Variants in TP53TG5 observed in about 807,000 individuals in gnomAD.
TP53TG5 encodes the protein TP53 target 5.
A neutral mutation model predicts 30.0 loss-of-function variants in TP53TG5; 17 were observed. That is an observed-to-expected ratio of 0.57 (90% confidence interval 0.39 to 0.85). The LOEUF is 0.85. TP53TG5 is among the 40% of genes least tolerant of loss of function. The pLI is 0.00. For missense variants in TP53TG5, 338 were observed against 367.9 expected, an observed-to-expected ratio of 0.92 and a Z score of 0.67; for synonymous variants, 137 against 139.2, an observed-to-expected ratio of 0.98 and a Z score of 0.11.
chr20:45,378,142 A>G (rs1174063132), intron 1 of TP53TG5, 47 bp downstream of exon 1: 13 of 1,612,602 alleles, frequency 8.1e-6, no homozygotes, highest in Non-Finnish European at 1.0e-5. Context: ...TTCTTTGTTA[A>G]GGTCCCCTCT....
chr20:45,375,543 A>G lies in TP53TG5; in HGVS notation c.264T>C (p.Ser88=). The G allele has an allele frequency of 1.2e-6, 2 of 1,606,474 alleles. No individual in the cohort carries two copies. The highest frequency in any genetic ancestry group is 1.1e-5 in the South Asian group (1 of 90,678). The change falls in exon 4 of 5, where the codon AGT becomes AGC. Residue 88 remains serine (S), a synonymous_variant. Transcript: ENST00000372726. The stretch of plus-strand genomic sequence containing the variant: ...TATTTTGTTTTGTTTTATTGCAGGC[A>G]CTGTTTTCCCTGGCAGGGAGAGGAA... ...KILRISSGEN[S]ACNKTKQNNE... is the part of the protein sequence containing the mutation.
intron 4 of TP53TG5, 183 bp downstream of exon 4, chr20:45,374,856 C>T (rs145520712): frequency 2.3e-5 from 17 of 755,200 alleles, no homozygotes; most frequent in Middle Eastern, 3.9e-4. Context: ...CTAGTCACTA[C>T]CCTTCTGTAT....
chr20:45,374,356 T>C (rs1988655664), intron 4 of TP53TG5: 2 of 666,114 alleles, frequency 3.0e-6, no homozygotes, highest in Admixed American at 2.4e-5. Flanking sequence ...CACTGCAGCC[T>C]CGACTCCTGG....
rs993850148 is a variant in TP53TG5, at chr20:45,373,535, A to G, written c.*372T>C. On this transcript the variant is annotated 3_prime_UTR_variant, in exon 5 of 5. Coordinates refer to ENST00000372726, the MANE Select transcript of TP53TG5 (RefSeq NM_014477.3). ...TCTTGGGAAAATGGAATGGGGAGCA[A>G]CCAGGAGCCCTTGCTCCTGCCACTT... 3 of 284,354 alleles carry G rather than the reference A, an allele frequency of 1.1e-5. No homozygotes were observed. The highest frequency in any genetic ancestry group is 4.6e-5 in the Admixed American group (1 of 21,974). 17.6% of individuals were successfully genotyped at this position (284,354 alleles called of 1,614,324 possible). A position where few individuals can be genotyped will look rare whatever the true frequency, so the allele number is the denominator to read the frequency against.
chr20:45,377,431 C>T (rs1988765087), intron 2 of TP53TG5, 89 bp from the exon 3 acceptor site: 1 of 1,609,688 alleles, frequency 6.2e-7, no homozygotes, highest in Non-Finnish European at 8.5e-7. Context: ...TCCGCTCAGC[C>T]AAGGGCCGGC....
Position 45,373,821 on chromosome 20 carries a change from C to A in TP53TG5, c.*86G>T. On this transcript the variant is annotated 3_prime_UTR_variant, in exon 5 of 5. Coordinates refer to ENST00000372726, the MANE Select transcript of TP53TG5 (RefSeq NM_014477.3). ...GAAGTCGCGACACAGGCTCCCTCTACCGAAGGCCTCTTTCCTTCATCCTTC... is the reference window on the plus strand; with the variant it reads ...GAAGTCGCGACACAGGCTCCCTCTAACGAAGGCCTCTTTCCTTCATCCTTC... The A allele has an allele frequency of 7.5e-7, 1 of 1,336,166 alleles. No individual in the cohort carries two copies. Among genetic ancestry groups the A allele is most frequent in the Non-Finnish European group, 1.1e-6 (1 of 932,870 alleles). 82.8% of individuals were successfully genotyped at this position (1,336,166 alleles called of 1,614,324 possible).
At position 45,378,250 on chromosome 20, in the gene TP53TG5, G is replaced by A; in HGVS notation, c.-14C>T. ...TGATGGACTCATGCTGGGGCTGTGA[G>A]ACCTCAGAGATGAATGGAGCAACAC... On this transcript the variant is annotated 5_prime_UTR_variant, in exon 1 of 5. Coordinates refer to ENST00000372726, the MANE Select transcript of TP53TG5 (RefSeq NM_014477.3). The A allele has an allele frequency of 1.9e-6, 3 of 1,614,056 alleles. No individual in the cohort carries two copies. The highest frequency in any genetic ancestry group is 2.5e-6 in the Non-Finnish European group (3 of 1,179,968).
rs749220929 is a variant in TP53TG5 at position 45,375,285 on chromosome 20, C to A, written c.522G>T (p.Gly174=). 2.5e-6 allele frequency: 4 copies of A among 1,614,100 alleles called. No individual in the cohort carries two copies. Among genetic ancestry groups the A allele is most frequent in the Middle Eastern group, 1.6e-4 (1 of 6,062 alleles). Residue 174 remains glycine (G), a synonymous_variant, in exon 4 of 5, where the codon GGG becomes GGT. Transcript: ENST00000372726. ...RDDSLNPGVQ[G]RQPLTEGPRV... ...GGGGGCCCTCGGTGAGTGGTTGCCT[C>A]CCCTGGACTCCAGGGTTCAAGCTAT...
chr20:45,372,599 G>A lies in TP53TG5; in HGVS notation c.*1308C>T, dbSNP rs1264094902. The A allele has an allele frequency of 1.3e-5, 2 of 152,304 alleles. No individual in the cohort carries two copies. The highest frequency in any genetic ancestry group is 2.9e-5 in the Non-Finnish European group (2 of 68,084). 9.4% of individuals were successfully genotyped at this position (152,304 alleles called of 1,614,324 possible). On this transcript the variant is annotated 3_prime_UTR_variant, in exon 5 of 5. Coordinates refer to ENST00000372726, the MANE Select transcript of TP53TG5 (RefSeq NM_014477.3). ...TGAGTAGAGATTATTTTCGAAAGTT[G>A]ATGGGATTGAAAATACCCAGCAAGG...
At position 45,375,301 on chromosome 20, in the gene TP53TG5, T is replaced by G. The variant is rs1600756593; in HGVS notation, c.506A>C (p.Asn169Thr). The change falls in exon 4 of 5, where the codon AAC becomes ACC. Residue 169 changes from asparagine (N) to threonine (T), a missense_variant. Transcript: ENST00000372726. Reference sequence around the variant, plus strand: ...TGGTTGCCTCCCCTGGACTCCAGGGTTCAAGCTATCATCCCTCGATGTCCT... The same window carrying G: ...TGGTTGCCTCCCCTGGACTCCAGGGGTCAAGCTATCATCCCTCGATGTCCT... ...VPRTSRDDSL[N>T]PGVQGRQPLT... is the part of the protein sequence containing the mutation. 3 of 1,613,878 alleles carry G rather than the reference T, an allele frequency of 1.9e-6. No individual in the cohort carries two copies. The highest frequency in any genetic ancestry group is 2.5e-6 in the Non-Finnish European group (3 of 1,179,996).
At chr20:45,376,277 C>T (rs977813991) in intron 3 of TP53TG5, 2 of 152,340 alleles carry the variant, frequency 1.3e-5, no homozygotes, top group Middle Eastern at 3.4e-3. Flanking sequence ...CTGCAAACCC[C>T]CAGTGGCAAC....
intron 4 of TP53TG5, chr20:45,374,268 C>A (rs1167840854): frequency 2.9e-6 from 2 of 697,562 alleles, no homozygotes; most frequent in Non-Finnish European, 5.2e-6. Flanking sequence ...CAGAGTAAAT[C>A]TTTTTTTCCT....
At chr20:45,374,447 T>G (rs1002761592) in intron 4 of TP53TG5, 2 of 571,650 alleles carry the variant, frequency 3.5e-6, no homozygotes, top group African/African-American at 1.9e-5. Flanking sequence ...AATTTTTAAA[T>G]TTTTTGTAGA....
chr20:45,377,814 C>T (rs1281937405), intron 1 of TP53TG5, among the ~76,000 whole-genome samples: 1 of 151,890 alleles, frequency 6.6e-6, no homozygotes, highest in Admixed American at 6.6e-5. Flanking sequence ...TGGTGGCATG[C>T]GCCTGTAGTC....
rs1988631383 is a variant in TP53TG5 at position 45,373,801 on chromosome 20, C to T, written c.*106G>A. 1.8e-6 allele frequency: 2 copies of T among 1,114,284 alleles called. No individual in the cohort carries two copies. Among genetic ancestry groups the T allele is most frequent in the Non-Finnish European group, 2.7e-6 (2 of 745,686 alleles). 69.0% of individuals were successfully genotyped at this position (1,114,284 alleles called of 1,614,324 possible). On this transcript the variant is annotated 3_prime_UTR_variant, in exon 5 of 5. Transcript: ENST00000372726. The stretch of plus-strand genomic sequence containing the variant: ...GGTGGGGGTGGGGGAAGCCTGAAGT[C>T]GCGACACAGGCTCCCTCTACCGAAG...
At chr20:45,374,795 C>T (rs370578709) in intron 4 of TP53TG5, 17 of 551,568 alleles carry the variant, frequency 3.1e-5, no homozygotes, top group African/African-American at 2.4e-4. Flanking sequence ...TGGCTCACTT[C>T]AGTGCCCCTC....
In TP53TG5 at chr20:45,375,537, G is replaced by A. The variant is rs1229821181; in HGVS notation, c.270C>T (p.Cys90=). Residue 90 remains cysteine (C), a synonymous_variant, in exon 4 of 5, where the codon TGC becomes TGT. Coordinates refer to ENST00000372726, the MANE Select transcript of TP53TG5 (RefSeq NM_014477.3). ...CTTCATTATTTTGTTTTGTTTTATT[G>A]CAGGCACTGTTTTCCCTGGCAGGGA... The part of the protein sequence containing the change: ...LRISSGENSA[C]NKTKQNNEEF... 9 of 1,608,246 alleles carry A rather than the reference G, an allele frequency of 5.6e-6. No homozygotes were observed. Among genetic ancestry groups the A allele is most frequent in the Non-Finnish European group, 7.6e-6 (9 of 1,179,396 alleles).
At position 45,375,132 on chromosome 20, in the gene TP53TG5, C is replaced by T; in HGVS notation, c.675G>A (p.Val225=). Residue 225 remains valine (V), a synonymous_variant, in exon 4 of 5, where the codon GTG becomes GTA. Transcript: ENST00000372726. ...PTRIHLPAPR[V]MCRSSTLRWV... is the part of the protein sequence containing the mutation. ...AACGCAGGGTGGAGGATCTGCACATCACCCTGGGCGCCGGGAGGTGGATTC... is the reference window on the plus strand; with the variant it reads ...AACGCAGGGTGGAGGATCTGCACATTACCCTGGGCGCCGGGAGGTGGATTC... The T allele has an allele frequency of 1.2e-6, 2 of 1,614,146 alleles. No individual in the cohort carries two copies. The highest frequency in any genetic ancestry group is 1.7e-6 in the Non-Finnish European group (2 of 1,180,042).
Position 45,373,542 on chromosome 20 carries a change from G to C in TP53TG5, c.*365C>G. On this transcript the variant is annotated 3_prime_UTR_variant, in exon 5 of 5. Coordinates refer to ENST00000372726, the MANE Select transcript of TP53TG5 (RefSeq NM_014477.3). ...AAAATGGAATGGGGAGCAACCAGGAGCCCTTGCTCCTGCCACTTTCTAGCT... is the reference window on the plus strand; with the variant it reads ...AAAATGGAATGGGGAGCAACCAGGACCCCTTGCTCCTGCCACTTTCTAGCT... 3.3e-6 allele frequency: 1 copy of C among 299,258 alleles called. No homozygotes were observed. The highest frequency in any genetic ancestry group is 6.4e-6 in the Non-Finnish European group (1 of 156,294). The allele number at this position is 299,258 out of a possible 1,614,324, so 18.5% of individuals were successfully genotyped here.
Sources: allele counts gnomAD v4.1 joint callset (sites outside exome capture counted in the v4.1 genomes callset), GRCh38; gene constraint gnomAD v4.1.1; transcripts MANE v1.5; gene names NCBI Gene and HGNC (gene_info 2026-07-23, HGNC 2026-07-21).